The following CNBD1 variants were observed in gnomAD, a reference collection of about 807,000 sequenced individuals.
CNBD1 encodes cyclic nucleotide-binding domain-containing protein 1.
CNBD1 carries 71 observed loss-of-function variants against 54.4 expected under a neutral mutation model. The ratio of observed to expected loss-of-function variants is 1.30; its 90% CI spans 1.08 to 1.59. The LOEUF (loss-of-function observed/expected upper bound fraction) is 1.59. CNBD1 is among the 40% of genes most tolerant of loss of function. The probability of loss-of-function intolerance (pLI) is 0.00; values close to 1 mark genes in which losing one functional copy is unlikely to be tolerated. For missense variants in CNBD1, 659 were observed against 518.0 expected (o/e 1.27, Z -2.64); for synonymous variants, 182 against 170.7 (o/e 1.07, Z -0.51).
chr8:87,157,222 CTT>C (rs1425284887), intron 4 of CNBD1, among the ~76,000 whole-genome samples: 1 of 152,166 alleles, frequency 6.6e-6, no homozygotes, highest in Non-Finnish European at 1.5e-5. Context: ...TAACAATGCA[CTT>C]TCTTTTATAA....
intron 4 of CNBD1, among the ~76,000 whole-genome samples, chr8:87,048,509 G>A (rs1270487934): frequency 6.6e-6 from 1 of 152,056 alleles, no homozygotes; most frequent in Non-Finnish European, 1.5e-5. Context: ...GTGGTCTCGA[G>A]GCACAATGTA....
chr8:87,170,453 A>G (rs543860984), intron 4 of CNBD1, among the ~76,000 whole-genome samples: 4 of 152,232 alleles, frequency 2.6e-5, no homozygotes, highest in East Asian at 1.9e-4. Context: ...TTCCACTACT[A>G]TGTTGAAAAA....
chr8:87,170,259 A>G (rs559470621), intron 4 of CNBD1, among the ~76,000 whole-genome samples: 2 of 152,134 alleles, frequency 1.3e-5, no homozygotes, highest in Non-Finnish European at 2.9e-5. Flanking sequence ...TTGATTTTAT[A>G]ACCTGCAACT....
At chr8:87,321,450 T>C (rs181795925) in intron 8 of CNBD1, among the ~76,000 whole-genome samples, 1 of 152,186 alleles carries the variant, frequency 6.6e-6, no homozygotes, top group Admixed American at 6.5e-5. Context: ...TAATTAGTGA[T>C]ACTGAACATC....
intron 2 of CNBD1, among the ~76,000 whole-genome samples, chr8:87,402,734 G>A (rs949951750): frequency 6.6e-6 from 1 of 152,050 alleles, no homozygotes; most frequent in African/African-American, 2.4e-5. Flanking sequence ...TAAATCCAGT[G>A]CCATTAAAGT....
intron 6 of CNBD1, among the ~76,000 whole-genome samples, chr8:87,283,643 C>T (rs1365686948): frequency 6.6e-6 from 1 of 152,082 alleles, no homozygotes; most frequent in African/African-American, 2.4e-5. Flanking sequence ...AGTTTCATGG[C>T]TAGATAGCCA....
At chr8:87,202,363 T>C (rs1390522357) in intron 4 of CNBD1, among the ~76,000 whole-genome samples, 25 of 152,108 alleles carry the variant, frequency 1.6e-4, no homozygotes, top group Admixed American at 1.6e-3. Flanking sequence ...CAGTAATAAA[T>C]TATAATATGG....
At chr8:87,241,268 ATTTTTT>A (rs34829455) in intron 6 of CNBD1, among the ~76,000 whole-genome samples, 5 of 93,856 alleles carry the variant, frequency 5.3e-5, no homozygotes, top group African/African-American at 2.4e-4. Context: ...TATTTGGAAG[ATTTTTT>A]TTTTTTTTTT....
At chr8:86,901,773 T>C (rs1251887087) in intron 2 of CNBD1, among the ~76,000 whole-genome samples, 1 of 152,108 alleles carries the variant, frequency 6.6e-6, no homozygotes, top group Non-Finnish European at 1.5e-5. Flanking sequence ...TGTGGAAGGA[T>C]CTTTTTTGGC....
Position 87,249,543 on chromosome 8 carries a change from T to C in CNBD1, c.771+12431T>C, listed in dbSNP as rs182638651. On this transcript the variant is annotated intron_variant, in intron 6 of 10. Transcript: ENST00000518476. ...AGACTCCCATTTCCATCCCATTGGC[T>C]AGACTAGGTTATAGGTCTATCTTTC... is the stretch of plus-strand genomic sequence containing the variant. Among the ~76,000 whole-genome samples, 57 of 152,278 alleles carry C rather than the reference T, an allele frequency of 3.7e-4. 2 individuals carry two copies. Among genetic ancestry groups the C allele is most frequent in the Admixed American group, 3.5e-3 (54 of 15,282 alleles).
intron 6 of CNBD1, among the ~76,000 whole-genome samples, chr8:87,275,383 G>A (rs1416171296): frequency 3.3e-5 from 5 of 151,660 alleles, no homozygotes; most frequent in South Asian, 4.2e-4. Context: ...CCATTTTCAC[G>A]ATATTGATTC....
intron 8 of CNBD1, among the ~76,000 whole-genome samples, chr8:87,319,199 C>T (rs1005072543): frequency 6.6e-6 from 1 of 151,930 alleles, no homozygotes; most frequent in Non-Finnish European, 1.5e-5. Flanking sequence ...CACTAGTTAC[C>T]TTCAACAGAG....
At chr8:87,137,132 T>C (rs1425982182) in intron 4 of CNBD1, among the ~76,000 whole-genome samples, 1 of 140,106 alleles carries the variant, frequency 7.1e-6, no homozygotes, top group African/African-American at 2.6e-5. Flanking sequence ...TTATTATATA[T>C]AAATTATATA....
intron 5 of CNBD1, among the ~76,000 whole-genome samples, chr8:87,216,029 C>T (rs947846261): frequency 6.6e-6 from 1 of 152,120 alleles, no homozygotes; most frequent in African/African-American, 2.4e-5. Flanking sequence ...ATAGTGTTTT[C>T]GTGGTTTATC....
chr8:87,254,827 T>C (rs554576598), intron 6 of CNBD1, among the ~76,000 whole-genome samples: 1 of 152,322 alleles, frequency 6.6e-6, no homozygotes, highest in African/African-American at 2.4e-5. Context: ...TCCTTGCTTT[T>C]ACTCTGTTTT....
At chr8:86,882,817 A>G (rs1303940187) in intron 1 of CNBD1, among the ~76,000 whole-genome samples, 1 of 152,226 alleles carries the variant, frequency 6.6e-6, no homozygotes, top group Non-Finnish European at 1.5e-5. Context: ...TGGTACATAA[A>G]TACCATGGAA....
chr8:87,342,926 G>A (rs868406125), intron 8 of CNBD1, among the ~76,000 whole-genome samples: 1 of 152,106 alleles, frequency 6.6e-6, no homozygotes, highest in South Asian at 2.1e-4. Flanking sequence ...AATTCACCAG[G>A]CTGGAATTTC....
chr8:87,215,809 A>G (rs1814197547), intron 5 of CNBD1, among the ~76,000 whole-genome samples: 2 of 152,142 alleles, frequency 1.3e-5, no homozygotes, highest in Non-Finnish European at 2.9e-5. Flanking sequence ...CATTAAAAAT[A>G]TTTTGGAACC....
At chr8:87,388,618 C>T (rs972094071) in intron 2 of CNBD1, among the ~76,000 whole-genome samples, 18 of 152,130 alleles carry the variant, frequency 1.2e-4, no homozygotes, top group African/African-American at 3.6e-4. Context: ...AATAGCTTAC[C>T]AACCAAAAAA....
Sources: gnomAD v4.1 joint callset for allele counts (sites outside exome capture counted in the v4.1 genomes callset) on GRCh38, gnomAD v4.1.1 for gene constraint, MANE v1.5 for transcripts, NCBI Gene and HGNC (gene_info 2026-07-23, HGNC 2026-07-21) for gene names.